AUTS2: variants seen among roughly 807,000 people sequenced by gnomAD.
AUTS2 encodes activator of transcription and developmental regulator AUTS2, also known as autism susceptibility gene 2 protein.
A neutral mutation model predicts 112.4 loss-of-function variants in AUTS2; 17 were observed. That is an observed-to-expected ratio of 0.15 (90% CI 0.10 to 0.23). AUTS2 has a LOEUF of 0.23. AUTS2 is among the 10% of genes least tolerant of loss of function. AUTS2 has a pLI of 1.00. For synonymous variants in AUTS2, 751 were observed against 702.7 expected (o/e 1.07, Z -1.09); for missense variants, 1,510 against 1,701.6 (o/e 0.89, Z 1.98).
chr7:70,137,439 T>TG (rs1390863192), intron 4 of AUTS2, among the ~76,000 whole-genome samples: 1 of 151,972 alleles, frequency 6.6e-6, no homozygotes, highest in Non-Finnish European at 1.5e-5. Context: ...GACTAAAACT[T>TG]GTTAGAGTGT....
chr7:70,129,064 C>T (rs144701120), intron 3 of AUTS2, among the ~76,000 whole-genome samples: 3,462 of 152,280 alleles, frequency 0.023, 51 homozygotes, highest in Non-Finnish European at 0.033. Flanking sequence ...AACAGAACCA[C>T]AGCAGAAGAT....
chr7:70,714,763 C>T (rs371849521), intron 6 of AUTS2, among the ~76,000 whole-genome samples: 64 of 152,246 alleles, frequency 4.2e-4, no homozygotes, highest in African/African-American at 1.3e-3. Flanking sequence ...GGAAGTTGGC[C>T]GTAAAGCTTT....
At chr7:70,262,082 G>A (rs920505291) in intron 4 of AUTS2, among the ~76,000 whole-genome samples, 5 of 152,144 alleles carry the variant, frequency 3.3e-5, no homozygotes, top group Admixed American at 3.3e-4. Context: ...ATTACAAAAA[G>A]TTATTTAATT....
chr7:70,396,362 G>T (rs1021774471), intron 4 of AUTS2, among the ~76,000 whole-genome samples: 3 of 151,214 alleles, frequency 2.0e-5, no homozygotes, highest in African/African-American at 7.3e-5. Context: ...CTCACATTCT[G>T]TATAATTATT....
chr7:69,778,227 C>CAA (rs1554368093), intron 1 of AUTS2, among the ~76,000 whole-genome samples: 1 of 139,036 alleles, frequency 7.2e-6, no homozygotes, highest in African/African-American at 2.7e-5. Flanking sequence ...GCCTTATCCC[C>CAA]ATATATATAT....
At chr7:70,078,718 G>A (rs1803158106) in intron 2 of AUTS2, among the ~76,000 whole-genome samples, 1 of 152,188 alleles carries the variant, frequency 6.6e-6, no homozygotes, top group African/African-American at 2.4e-5. Flanking sequence ...AGGAGAATGT[G>A]GGGGAGAGGG....
chr7:70,169,408 T>C lies in AUTS2; in HGVS notation c.660+34837T>C, dbSNP rs369707866. Among the ~76,000 whole-genome samples the C allele has an allele frequency of 3.9e-5, 6 of 152,020 alleles. No individual in the cohort carries two copies. In the South Asian group the frequency reaches 1.2e-3, roughly 32 times the overall value. On this transcript the variant is annotated intron_variant, in intron 4 of 18. Transcript: ENST00000342771. ...GACACGTGTCACCACACCTAGCTAA[T>C]TTTTTTGTATTTTTAGTAGAGACGG...
At chr7:70,635,674 C>T (rs1805497947) in intron 5 of AUTS2, among the ~76,000 whole-genome samples, 1 of 152,190 alleles carries the variant, frequency 6.6e-6, no homozygotes, top group Non-Finnish European at 1.5e-5. Flanking sequence ...TGTCAGAGGA[C>T]TATTCCTGGA....
At chr7:69,788,305 G>A (rs1240857692) in intron 1 of AUTS2, among the ~76,000 whole-genome samples, 1 of 152,118 alleles carries the variant, frequency 6.6e-6, no homozygotes, top group East Asian at 1.9e-4. Context: ...GAGAGACATT[G>A]CCCCCAGCTT....
chr7:70,453,189 A>T (rs533685047), intron 5 of AUTS2, among the ~76,000 whole-genome samples: 22 of 152,320 alleles, frequency 1.4e-4, no homozygotes, highest in African/African-American at 5.1e-4. Flanking sequence ...CCCCTCAAAG[A>T]ATGTGGGCTT....
chr7:69,769,631 C>T (rs1788577208), intron 1 of AUTS2, among the ~76,000 whole-genome samples: 1 of 152,184 alleles, frequency 6.6e-6, no homozygotes, highest in Admixed American at 6.5e-5. Flanking sequence ...GAGCTGGCTG[C>T]TGCCTTTATT....
At chr7:70,560,950 C>T (rs948197493) in intron 5 of AUTS2, among the ~76,000 whole-genome samples, 1 of 152,072 alleles carries the variant, frequency 6.6e-6, no homozygotes, top group Admixed American at 6.5e-5. Context: ...ATTCTTTTTA[C>T]TTTTTAGGAT....
intron 4 of AUTS2, among the ~76,000 whole-genome samples, chr7:70,397,712 T>A (rs1473448060): frequency 1.3e-5 from 2 of 152,066 alleles, no homozygotes; most frequent in East Asian, 3.9e-4. Flanking sequence ...AGTTTGTGGG[T>A]TCTTTTCATT....
intron 2 of AUTS2, among the ~76,000 whole-genome samples, chr7:70,074,668 G>A (rs1584680302): frequency 6.6e-6 from 1 of 152,138 alleles, no homozygotes; most frequent in East Asian, 1.9e-4. Flanking sequence ...TTGAAGTCCT[G>A]TCATCTTCAG....
At chr7:70,506,156 G>T (rs1308200295) in intron 5 of AUTS2, among the ~76,000 whole-genome samples, 1 of 152,160 alleles carries the variant, frequency 6.6e-6, no homozygotes, top group Non-Finnish European at 1.5e-5. Context: ...CATTAAAGGT[G>T]CAGGAGCCAA....
intron 2 of AUTS2, among the ~76,000 whole-genome samples, chr7:70,111,238 A>G (rs776595130): frequency 2.0e-5 from 3 of 152,036 alleles, no homozygotes; most frequent in Non-Finnish European, 2.9e-5. Context: ...CCCTAAAAGT[A>G]CTTGTCCCTT....
chr7:70,636,433 C>T (rs1805536324), intron 5 of AUTS2, among the ~76,000 whole-genome samples: 1 of 152,120 alleles, frequency 6.6e-6, no homozygotes, highest in Non-Finnish European at 1.5e-5. Context: ...CTTCCACTGA[C>T]AGAGTAGTTG....
chr7:70,621,838 CTTTTTTTTTTTT>C (rs67123941), intron 5 of AUTS2, among the ~76,000 whole-genome samples: 28 of 66,816 alleles, frequency 4.2e-4, no homozygotes, highest in South Asian at 1.6e-3. Flanking sequence ...TAGTCATTCT[CTTTTTTTTTTTT>C]TTTTTTTTTT....
At chr7:70,452,185 C>T (rs538328503) in intron 5 of AUTS2, among the ~76,000 whole-genome samples, 3 of 152,038 alleles carry the variant, frequency 2.0e-5, no homozygotes, top group Non-Finnish European at 4.4e-5. Flanking sequence ...TTATATGGCC[C>T]ATAATAGTAA....
Sources: allele counts gnomAD v4.1 joint callset (sites outside exome capture counted in the v4.1 genomes callset), GRCh38; gene constraint gnomAD v4.1.1; transcripts MANE v1.5; gene names NCBI Gene and HGNC (gene_info 2026-07-23, HGNC 2026-07-21).